The following ARHGAP10 variants were observed in gnomAD, a reference collection of about 807,000 sequenced individuals.
ARHGAP10 encodes the protein rho GTPase-activating protein 10.
A neutral mutation model predicts 108.6 loss-of-function variants in ARHGAP10; 87 were observed. The ratio of observed to expected loss-of-function variants is 0.80; its 90% confidence interval spans 0.67 to 0.96. The LOEUF (loss-of-function observed/expected upper bound fraction) is 0.96. ARHGAP10 is among the 40% of genes least tolerant of loss of function. The pLI is 0.00. For missense variants in ARHGAP10, 939 were observed against 954.5 expected (o/e 0.98, Z 0.21); for synonymous variants, 347 against 341.1 (o/e 1.02, Z -0.19).
intron 7 of ARHGAP10, among the ~76,000 whole-genome samples, chr4:147,872,099 CAAA>C (rs36205660): frequency 8.1e-4 from 57 of 70,008 alleles, no homozygotes; most frequent in African/African-American, 1.7e-3. Flanking sequence ...GAGACTCGGT[CAAA>C]AAAAAAAAAA....
chr4:148,043,738 ATATATATG>A (rs1182492413), intron 19 of ARHGAP10, among the ~76,000 whole-genome samples: 6 of 134,184 alleles, frequency 4.5e-5, no homozygotes, highest in Non-Finnish European at 7.7e-5. Context: ...ATATATGTGT[ATATATATG>A]TATATATGTA....
At position 147,880,218 on chromosome 4, in the gene ARHGAP10, A is replaced by G. The variant is rs1447028967; in HGVS notation, c.939+880A>G. On this transcript the variant is annotated intron_variant, in intron 9 of 22. Transcript: ENST00000336498. Reference sequence around the variant, plus strand: ...TGAACATAATTGATAACACATTTTAAGAAAGCAGCTTAATTCATTGCTTAC... The same window carrying G: ...TGAACATAATTGATAACACATTTTAGGAAAGCAGCTTAATTCATTGCTTAC... 2.6e-5 allele frequency among the ~76,000 whole-genome samples: 4 copies of G among 152,240 alleles called. 1 individual carries two copies. The highest frequency in any genetic ancestry group is 4.1e-4 in the South Asian group (2 of 4,834).
chr4:147,900,287 A>T (rs374369181), intron 10 of ARHGAP10, among the ~76,000 whole-genome samples: 3 of 152,292 alleles, frequency 2.0e-5, no homozygotes, highest in South Asian at 4.2e-4. Flanking sequence ...TGAATGAAAG[A>T]GGTTGAGATG....
chr4:147,755,892 TGAG>T (rs1729348844), intron 1 of ARHGAP10, among the ~76,000 whole-genome samples: 2 of 152,064 alleles, frequency 1.3e-5, no homozygotes, highest in Admixed American at 6.6e-5. Flanking sequence ...ACATATGTGT[TGAG>T]GAGCAATGCA....
At chr4:147,784,094 A>T (rs1730697594) in intron 1 of ARHGAP10, among the ~76,000 whole-genome samples, 2 of 120,848 alleles carry the variant, frequency 1.7e-5, no homozygotes, top group South Asian at 6.2e-4. Flanking sequence ...TTTACATAAC[A>T]TTAAATTGTG....
At chr4:148,036,891 C>T (rs1728401773) in intron 19 of ARHGAP10, among the ~76,000 whole-genome samples, 1 of 152,122 alleles carries the variant, frequency 6.6e-6, no homozygotes, top group South Asian at 2.1e-4. Flanking sequence ...TCCTGGAACA[C>T]CATGACATTT....
chr4:147,988,059 A>C (rs1478793036), intron 18 of ARHGAP10, among the ~76,000 whole-genome samples: 1 of 152,172 alleles, frequency 6.6e-6, no homozygotes. Flanking sequence ...TTACTCAGTG[A>C]GTTTGGTTTA....
At chr4:148,000,368 A>C (rs1483535805) in intron 18 of ARHGAP10, among the ~76,000 whole-genome samples, 1 of 152,176 alleles carries the variant, frequency 6.6e-6, no homozygotes, top group Non-Finnish European at 1.5e-5. Context: ...GCTATTGTGA[A>C]TAGTGCTGCA....
intron 18 of ARHGAP10, among the ~76,000 whole-genome samples, chr4:147,983,089 C>G (rs576698606): frequency 1.3e-5 from 2 of 151,978 alleles, no homozygotes; most frequent in South Asian, 4.2e-4. Flanking sequence ...ACCATGTTGC[C>G]TAGCCTGGTC....
intron 3 of ARHGAP10, among the ~76,000 whole-genome samples, chr4:147,835,010 C>T (rs1468980804): frequency 6.6e-6 from 1 of 152,144 alleles, no homozygotes; most frequent in African/African-American, 2.4e-5. Context: ...TGTCATTCAT[C>T]GGTTGCTATT....
chr4:148,038,552 A>G (rs1007078504), intron 19 of ARHGAP10, among the ~76,000 whole-genome samples: 8 of 152,166 alleles, frequency 5.3e-5, no homozygotes, highest in Non-Finnish European at 7.3e-5. Flanking sequence ...TCGTCTTCCA[A>G]TACAGACATT....
chr4:147,813,295 A>T (rs908067903), intron 1 of ARHGAP10, among the ~76,000 whole-genome samples: 2 of 152,204 alleles, frequency 1.3e-5, no homozygotes, highest in Non-Finnish European at 2.9e-5. Flanking sequence ...TGTGAAGGAC[A>T]CTGCTCTGCC....
chr4:147,818,417 T>C (rs1732346609), intron 1 of ARHGAP10, among the ~76,000 whole-genome samples: 1 of 151,952 alleles, frequency 6.6e-6, no homozygotes, highest in Non-Finnish European at 1.5e-5. Context: ...AATAAAAAAA[T>C]TAGCTGGGGG....
chr4:147,875,369 C>T (rs922981344), intron 8 of ARHGAP10, among the ~76,000 whole-genome samples: 1 of 152,044 alleles, frequency 6.6e-6, no homozygotes, highest in Admixed American at 6.6e-5. Flanking sequence ...CTGTGAGCAC[C>T]CTGTTCTTCA....
Position 148,070,609 on chromosome 4 carries a change from G to GA in ARHGAP10, c.2273-1377dup, listed in dbSNP as rs565171951. On this transcript the variant is annotated intron_variant, in intron 22 of 22. Coordinates refer to ENST00000336498, the MANE Select transcript of ARHGAP10 (RefSeq NM_024605.4). Reference sequence around the variant, plus strand: ...ATACTTTTCTACACAAATCTATGGGGAAAAAAAGAGTAGAATACAGAAAGG... The same window carrying GA: ...ATACTTTTCTACACAAATCTATGGGGAAAAAAAAGAGTAGAATACAGAAAGG... 3.4e-3 allele frequency among the ~76,000 whole-genome samples: 513 copies of GA among 152,224 alleles called. 2 individuals carry two copies. The highest frequency in any genetic ancestry group is 6.2e-3 in the Non-Finnish European group (422 of 67,998).
At chr4:147,857,020 CTT>C (rs1560793331) in intron 4 of ARHGAP10, among the ~76,000 whole-genome samples, 1 of 151,992 alleles carries the variant, frequency 6.6e-6, no homozygotes, top group African/African-American at 2.4e-5. Context: ...ACCCTGCTAA[CTT>C]TTGTATTTTT....
At chr4:148,019,471 C>G (rs1024437148) in intron 18 of ARHGAP10, among the ~76,000 whole-genome samples, 1 of 152,096 alleles carries the variant, frequency 6.6e-6, no homozygotes, top group Non-Finnish European at 1.5e-5. Flanking sequence ...TCTGGCCCGG[C>G]ATGGGCATGG....
At chr4:147,766,564 G>A (rs1213737427) in intron 1 of ARHGAP10, among the ~76,000 whole-genome samples, 1 of 148,550 alleles carries the variant, frequency 6.7e-6, no homozygotes, top group Non-Finnish European at 1.5e-5. Flanking sequence ...GGGTGTGTGT[G>A]GGTGTGTGTG....
chr4:147,939,991 T>G (rs1262234824), intron 14 of ARHGAP10, 92 bp downstream of exon 14: 9 of 1,214,804 alleles, frequency 7.4e-6, no homozygotes, highest in East Asian at 7.0e-5. Flanking sequence ...TAGAGAATAC[T>G]TGTCATTCCA....
Sources: allele counts gnomAD v4.1 joint callset (sites outside exome capture counted in the v4.1 genomes callset), GRCh38; gene constraint gnomAD v4.1.1; transcripts MANE v1.5; gene names NCBI Gene and HGNC (gene_info 2026-07-23, HGNC 2026-07-21).